The following PAQR3 variants were observed in gnomAD, a reference collection of about 807,000 sequenced individuals.
PAQR3 encodes the protein progestin and adipoQ receptor family member 3.
PAQR3 carries 39 observed loss-of-function variants against 41.7 expected under a neutral mutation model. The ratio of observed to expected loss-of-function variants is 0.93; its 90% CI spans 0.72 to 1.22. PAQR3 has a LOEUF of 1.22. Ranked by LOEUF, PAQR3 falls within the 50% of genes most tolerant of loss-of-function variation. The pLI is 0.00. For synonymous variants in PAQR3, 140 were observed against 140.6 expected (o/e 1.00, Z 0.03); for missense variants, 366 against 385.6 (o/e 0.95, Z 0.42).
chr4:78,913,899 CCTT>C lies in PAQR3; in HGVS notation c.*6637_*6639del, dbSNP rs925431328. ...CGTGCCAAAGGCAAATATGTTTGCA[CCTT>C]TTTTTTTTTTTCTGATTCTCAGGTT... On this transcript the variant is annotated 3_prime_UTR_variant, in exon 6 of 6. Coordinates refer to ENST00000512733, the MANE Select transcript of PAQR3 (RefSeq NM_001040202.2). 6.6e-6 allele frequency: 1 copy of C among 150,732 alleles called. No individual in the cohort carries two copies. The highest frequency in any genetic ancestry group is 2.4e-5 in the African/African-American group (1 of 41,040). 9.3% of individuals were successfully genotyped at this position (150,732 alleles called of 1,614,324 possible).
chr4:78,900,448 A>G (rs1733939631), intron 11 of PAQR3, among the ~76,000 whole-genome samples: 1 of 152,208 alleles, frequency 6.6e-6, no homozygotes. Flanking sequence ...AGGAATAAAC[A>G]GTATTCTGGA....
At chr4:78,895,949 A>G (rs976645169) in intron 11 of PAQR3, among the ~76,000 whole-genome samples, 7 of 152,036 alleles carry the variant, frequency 4.6e-5, no homozygotes, top group Admixed American at 6.6e-5. Flanking sequence ...TTTAGTAGAG[A>G]CAAGGTCTCG....
At chr4:78,909,027 T>C (rs1346340309), downstream of PAQR3, among the ~76,000 whole-genome samples, 1 of 149,852 alleles carries the variant, frequency 6.7e-6, no homozygotes, top group Non-Finnish European at 1.5e-5. Flanking sequence ...TCCTTTTGCC[T>C]GAACTCCCCT....
chr4:78,926,813 A>G, intron 3 of PAQR3, 95 bp from the exon 4 acceptor site: 1 of 1,043,960 alleles, frequency 9.6e-7, no homozygotes, highest in Non-Finnish European at 1.5e-6. Flanking sequence ...TCCAAAGTCT[A>G]TTTACTTGGT....
chr4:78,908,817 A>G (rs1734416914), downstream of PAQR3, among the ~76,000 whole-genome samples: 1 of 152,164 alleles, frequency 6.6e-6, no homozygotes, highest in South Asian at 2.1e-4. Context: ...TACATGAGAT[A>G]TGTTGATACA....
chr4:78,897,529 C>G (rs1447009148), intron 11 of PAQR3, among the ~76,000 whole-genome samples: 1 of 152,050 alleles, frequency 6.6e-6, no homozygotes, highest in South Asian at 2.1e-4. Flanking sequence ...TATATTAGCA[C>G]AGCTATTTGA....
rs1232335920 is a variant in PAQR3 at position 78,914,746 on chromosome 4, T to G, written c.*5793A>C. On this transcript the variant is annotated 3_prime_UTR_variant, in exon 6 of 6. Transcript: ENST00000512733. ...TATATATATATATATATATTTGGGG[T>G]TTTTTTTCCCTAATATTATTTGGGT... 3 of 150,988 alleles carry G rather than the reference T, an allele frequency of 2.0e-5. No homozygotes were observed. The highest frequency in any genetic ancestry group is 4.4e-5 in the Non-Finnish European group (3 of 67,688). 9.4% of individuals were successfully genotyped at this position (150,988 alleles called of 1,614,324 possible).
chr4:78,911,797 C>T (rs773841914), downstream of PAQR3: 2 of 1,613,966 alleles, frequency 1.2e-6, no homozygotes, highest in Non-Finnish European at 1.7e-6. Flanking sequence ...ATGGCACCCT[C>T]CACATCAGGG....
Position 78,917,676 on chromosome 4 carries a change from G to T in PAQR3, c.*2863C>A. The T allele has an allele frequency of 2.6e-6, 1 of 386,452 alleles. No homozygotes were observed. Among genetic ancestry groups the T allele is most frequent in the Non-Finnish European group, 3.5e-6 (1 of 282,932 alleles). The allele number at this position is 386,452 out of a possible 1,614,324, so 23.9% of individuals were successfully genotyped here. On this transcript the variant is annotated 3_prime_UTR_variant, in exon 6 of 6. Coordinates refer to ENST00000512733, the MANE Select transcript of PAQR3 (RefSeq NM_001040202.2). ...GATTTACAGTGGACAGGGACCTAAT[G>T]CAGCAAAGCAACCAGCAGGAATTCA...
chr4:78,902,064 G>A (rs1734035479), intron 11 of PAQR3, among the ~76,000 whole-genome samples: 1 of 152,100 alleles, frequency 6.6e-6, no homozygotes, highest in African/African-American at 2.4e-5. Flanking sequence ...GCTACAATGA[G>A]GTGTATTGTT....
intron 11 of PAQR3, among the ~76,000 whole-genome samples, chr4:78,898,631 T>C (rs1733833847): frequency 6.7e-6 from 1 of 150,228 alleles, no homozygotes; most frequent in Admixed American, 6.6e-5. Flanking sequence ...AGTCCTTCCA[T>C]TGGGCGACAG....
intron 11 of PAQR3, among the ~76,000 whole-genome samples, chr4:78,897,358 TTTAG>T (rs1305964590): frequency 6.6e-6 from 1 of 152,142 alleles, no homozygotes; most frequent in East Asian, 1.9e-4. Flanking sequence ...TTATGGCTTA[TTTAG>T]TAATTAAAAT....
chr4:78,890,137 T>C (rs1260898732), intron 11 of PAQR3, among the ~76,000 whole-genome samples: 1 of 152,180 alleles, frequency 6.6e-6, no homozygotes, highest in Non-Finnish European at 1.5e-5. Flanking sequence ...AGTATGTATA[T>C]AGTTTAAAAA....
chr4:78,924,504 A>G (rs1008867710), intron 4 of PAQR3, among the ~76,000 whole-genome samples: 3 of 152,122 alleles, frequency 2.0e-5, no homozygotes, highest in Non-Finnish European at 2.9e-5. Flanking sequence ...CATTTAAGAA[A>G]TAAGGACAGG....
intron 5 of PAQR3, among the ~76,000 whole-genome samples, chr4:78,921,013 G>C (rs888215795): frequency 6.6e-5 from 10 of 151,886 alleles, no homozygotes; most frequent in Non-Finnish European, 1.3e-4. Context: ...ATTATTGAGA[G>C]AGGCAAAAGA....
intron 11 of PAQR3, among the ~76,000 whole-genome samples, chr4:78,896,003 C>A: frequency 6.6e-6 from 1 of 152,162 alleles, no homozygotes; most frequent in East Asian, 1.9e-4. Flanking sequence ...TTCAAGCAAT[C>A]CTGCCTTGGC....
chr4:78,929,320 G>C (rs62308008), intron 3 of PAQR3, among the ~76,000 whole-genome samples: 9,533 of 152,226 alleles, frequency 0.063, 403 homozygotes, highest in East Asian at 0.22. Context: ...AAAAACAAGG[G>C]CATGGTAGAA....
At chr4:78,907,359 A>G (rs764556552), downstream of PAQR3, among the ~76,000 whole-genome samples, 2 of 152,242 alleles carry the variant, frequency 1.3e-5, no homozygotes, top group Non-Finnish European at 2.9e-5. Context: ...TAATGAAAAC[A>G]GTAAATTTTA....
At chr4:78,923,978 C>A (rs747501788) in intron 4 of PAQR3, 31 bp from the exon 5 acceptor site, 1 of 1,448,534 alleles carries the variant, frequency 6.9e-7, no homozygotes, top group Non-Finnish European at 9.7e-7. Flanking sequence ...TTTTACAGAT[C>A]TTCCTACTGT....
Sources: allele counts gnomAD v4.1 joint callset (sites outside exome capture counted in the v4.1 genomes callset), GRCh38; gene constraint gnomAD v4.1.1; transcripts MANE v1.5; gene names NCBI Gene and HGNC (gene_info 2026-07-23, HGNC 2026-07-21).